TMEM132B: variants seen among roughly 807,000 people sequenced by gnomAD.
TMEM132B encodes the protein transmembrane protein 132B.
A neutral mutation model predicts 90.8 loss-of-function variants in TMEM132B; 18 were observed. The ratio of observed to expected loss-of-function variants is 0.20; its 90% CI spans 0.14 to 0.29. TMEM132B has a LOEUF of 0.29. Ranked by LOEUF, TMEM132B falls within the 10% of genes least tolerant of loss-of-function variation. The pLI, the probability that TMEM132B is intolerant of heterozygous loss-of-function variation, is 1.00. For missense variants in TMEM132B, 1,096 were observed against 1,326.8 expected, an observed-to-expected ratio of 0.83 and a Z score of 2.70; for synonymous variants, 504 against 523.3, an observed-to-expected ratio of 0.96 and a Z score of 0.50.
intron 3 of TMEM132B, among the ~76,000 whole-genome samples, chr12:125,482,906 T>TA (rs1882086869): frequency 6.6e-6 from 1 of 151,754 alleles, no homozygotes; most frequent in Admixed American, 6.6e-5. Context: ...CATGGAATAC[T>TA]ATGCAGCCAT....
intron 1 of TMEM132B, among the ~76,000 whole-genome samples, chr12:125,276,508 G>A (rs1322464055): frequency 6.6e-6 from 1 of 152,254 alleles, no homozygotes; most frequent in African/African-American, 2.4e-5. Flanking sequence ...CATGGGCTAT[G>A]CTTGATTTCA....
intron 2 of TMEM132B, among the ~76,000 whole-genome samples, chr12:125,371,709 C>T (rs150571416): frequency 3.3e-5 from 5 of 152,274 alleles, no homozygotes; most frequent in African/African-American, 9.6e-5. Flanking sequence ...GACATTTTGT[C>T]GACCAGTGAC....
intron 5 of TMEM132B, among the ~76,000 whole-genome samples, chr12:125,589,350 CGG>C (rs1566082610): frequency 1.3e-5 from 2 of 151,494 alleles, no homozygotes. Context: ...GGCGTAGTGG[CGG>C]GGGCCTGTAG....
At chr12:125,449,682 T>G (rs907155846) in intron 3 of TMEM132B, among the ~76,000 whole-genome samples, 3 of 50,906 alleles carry the variant, frequency 5.9e-5, no homozygotes, top group East Asian at 1.1e-3. Flanking sequence ...AATTGTGGGG[T>G]TTTTTTTTTG....
rs1180323016 is a variant in TMEM132B, at chr12:125,458,027, C to T, written c.1106+42350C>T. On this transcript the variant is annotated intron_variant, in intron 3 of 8. Transcript: ENST00000682704. This position sits in a 1 kb window ranked among gnomAD's most constrained non-coding sequence, Gnocchi z 4.9. The stretch of plus-strand genomic sequence containing the variant: ...ATGGGGTGTACGTCTCAGGTGATCC[C>T]TGGAGAGGTTTGAAGAAGGAGGCAG... Among the ~76,000 whole-genome samples, 1 of 152,006 alleles carries T rather than the reference C, an allele frequency of 6.6e-6. No homozygotes were observed. The highest frequency in any genetic ancestry group is 2.4e-5 in the African/African-American group (1 of 41,382).
chr12:125,653,391 C>A (rs1386033420), intron 8 of TMEM132B, among the ~76,000 whole-genome samples, 174 bp from the exon 9 acceptor site: 1 of 152,166 alleles, frequency 6.6e-6, no homozygotes, highest in Non-Finnish European at 1.5e-5. Flanking sequence ...GAGGCTACAG[C>A]ACATTATTGA....
chr12:125,647,362 C>G (rs1886791599), intron 6 of TMEM132B, among the ~76,000 whole-genome samples: 1 of 152,118 alleles, frequency 6.6e-6, no homozygotes, highest in African/African-American at 2.4e-5. Context: ...TTTCAAAAAG[C>G]TTGGGAAACC....
At position 125,560,304 on chromosome 12, in the gene TMEM132B, G is replaced by T. The variant is rs541849543; in HGVS notation, c.1294-23547G>T. On this transcript the variant is annotated intron_variant, in intron 4 of 8. Transcript: ENST00000682704. ...GAGGTCAGGGCTGACCTGGACCCAA[G>T]AGAGAGCAGATCTGGGGCCAGTGTT... Among the ~76,000 whole-genome samples the T allele has an allele frequency of 3.2e-3, 485 of 152,338 alleles. 2 individuals are homozygous for T. Among genetic ancestry groups the T allele is most frequent in the African/African-American group, 0.011 (449 of 41,570 alleles).
intron 1 of TMEM132B, among the ~76,000 whole-genome samples, chr12:125,329,706 A>C (rs1876705526): frequency 6.6e-6 from 1 of 152,162 alleles, no homozygotes; most frequent in African/African-American, 2.4e-5. Flanking sequence ...GGCTGTATTC[A>C]TCTCTCTTGA....
chr12:125,589,900 A>G (rs1300167046), intron 5 of TMEM132B, among the ~76,000 whole-genome samples: 1 of 151,976 alleles, frequency 6.6e-6, no homozygotes, highest in Non-Finnish European at 1.5e-5. Flanking sequence ...GATCCAAACC[A>G]TATCAGCCTC....
intron 1 of TMEM132B, among the ~76,000 whole-genome samples, chr12:125,286,856 A>G (rs887155034): frequency 3.3e-5 from 5 of 152,026 alleles, no homozygotes; most frequent in Non-Finnish European, 7.4e-5. Flanking sequence ...TGTGTGTGCC[A>G]CCACACCCAG....
chr12:125,420,924 A>T (rs1033346901), intron 3 of TMEM132B, among the ~76,000 whole-genome samples: 1 of 152,180 alleles, frequency 6.6e-6, no homozygotes, highest in Non-Finnish European at 1.5e-5. Flanking sequence ...TCAAAGTTCC[A>T]CAAATCTCTA....
intron 4 of TMEM132B, among the ~76,000 whole-genome samples, chr12:125,540,719 C>T (rs2136725438): frequency 6.6e-6 from 1 of 152,334 alleles, no homozygotes; most frequent in Admixed American, 6.5e-5. Context: ...GTGGTGTAAT[C>T]TCTCCTAGTT....
intron 5 of TMEM132B, among the ~76,000 whole-genome samples, chr12:125,640,049 C>T (rs752003610): frequency 3.9e-5 from 6 of 152,262 alleles, no homozygotes; most frequent in African/African-American, 4.8e-5. Flanking sequence ...CTCAGGGCTC[C>T]GAGATCCCTG....
chr12:125,475,056 A>G (rs1325000445), intron 3 of TMEM132B, among the ~76,000 whole-genome samples: 1 of 152,158 alleles, frequency 6.6e-6, no homozygotes, highest in Non-Finnish European at 1.5e-5. Flanking sequence ...GGAGCCCTTA[A>G]GGAGAATCAG....
At chr12:125,190,258 A>C (rs919104278) in intron 1 of TMEM132B, among the ~76,000 whole-genome samples, 1 of 152,176 alleles carries the variant, frequency 6.6e-6, no homozygotes, top group Admixed American at 6.5e-5. Context: ...ACAGTCCTTT[A>C]GGGAACTGTG....
chr12:125,272,625 C>T (rs372270263), intron 1 of TMEM132B, among the ~76,000 whole-genome samples: 44 of 152,018 alleles, frequency 2.9e-4, no homozygotes, highest in East Asian at 7.7e-4. Flanking sequence ...GTGGCGCGGG[C>T]GGGTGCAGTT....
chr12:125,291,038 G>A (rs1188238067), intron 1 of TMEM132B, among the ~76,000 whole-genome samples: 1 of 152,184 alleles, frequency 6.6e-6, no homozygotes, highest in Non-Finnish European at 1.5e-5. Flanking sequence ...CAATTCATAC[G>A]TTGAAATGCT....
chr12:125,589,725 C>A (rs1490384659), intron 5 of TMEM132B, among the ~76,000 whole-genome samples: 1 of 152,016 alleles, frequency 6.6e-6, no homozygotes, highest in Non-Finnish European at 1.5e-5. Context: ...TTTAAATGAC[C>A]AGATCTCATT....
Sources: allele counts gnomAD v4.1 joint callset (sites outside exome capture counted in the v4.1 genomes callset), GRCh38; gene constraint gnomAD v4.1.1; non-coding constraint Gnocchi (gnomAD v3.1); transcripts MANE v1.5; gene names NCBI Gene and HGNC (gene_info 2026-07-23, HGNC 2026-07-21).